Variants in CCDC141 observed in about 807,000 individuals in gnomAD.
CCDC141 encodes coiled-coil domain containing 141, also known as coiled-coil domain-containing protein 141.
CCDC141 carries 168 observed loss-of-function variants against 181.0 expected under a neutral mutation model. The ratio of observed to expected loss-of-function variants is 0.93; its 90% CI spans 0.82 to 1.05. The LOEUF is 1.05. Ranked by LOEUF, CCDC141 falls within the 50% of genes least tolerant of loss-of-function variation. The pLI is 0.00. For missense variants in CCDC141, 1,902 were observed against 1,788.5 expected (o/e 1.06, Z -1.14); for synonymous variants, 666 against 642.3 (o/e 1.04, Z -0.56).
intron 2 of CCDC141, among the ~76,000 whole-genome samples, chr2:179,028,780 TCA>T (rs370910558): frequency 1.0e-3 from 155 of 152,320 alleles, no homozygotes; most frequent in African/African-American, 3.3e-3. Context: ...TTTATCCTGT[TCA>T]CTCTCACTCA....
chr2:178,822,399 A>G, the CCDC141 span, among the ~76,000 whole-genome samples: 1 of 149,752 alleles, frequency 6.7e-6, no homozygotes, highest in African/African-American at 2.5e-5. Flanking sequence ...TAGAACTTAA[A>G]GTATAATAAT....
chr2:179,009,776 C>G lies in CCDC141; in HGVS notation c.226-31101G>C, dbSNP rs186949134. Among the ~76,000 whole-genome samples, 153 of 151,990 alleles carry G rather than the reference C, an allele frequency of 1.0e-3. 1 individual carries two copies. The highest frequency in any genetic ancestry group is 3.4e-3 in the African/African-American group (140 of 41,462). ...CTCCCCAAAAAATCACATTAGTTCA[C>G]CAGCAATGGATGAAAACCAACAAGA... On this transcript the variant is annotated intron_variant, in intron 2 of 23. Coordinates refer to ENST00000443758, the MANE Select transcript of CCDC141 (RefSeq NM_173648.4).
At chr2:178,937,784 C>T (rs927272615) in intron 6 of CCDC141, among the ~76,000 whole-genome samples, 1 of 151,982 alleles carries the variant, frequency 6.6e-6, no homozygotes, top group African/African-American at 2.4e-5. Flanking sequence ...GAATCAATTT[C>T]TTCATGATTC....
At chr2:178,961,201 G>A in intron 5 of CCDC141, 29 bp downstream of exon 5, 1 of 1,546,904 alleles carries the variant, frequency 6.5e-7, no homozygotes, top group Non-Finnish European at 8.7e-7. Context: ...GCTGAGGCTG[G>A]AACATCATCC....
rs779947405 is a variant in CCDC141 at position 178,877,982 on chromosome 2, G to C, written c.1881C>G (p.Phe627Leu). 4.3e-6 allele frequency: 7 copies of C among 1,613,156 alleles called. No individual in the cohort carries two copies. Among genetic ancestry groups the C allele is most frequent in the Non-Finnish European group, 5.9e-6 (7 of 1,179,498 alleles). The stretch of plus-strand genomic sequence containing the variant: ...TTCTTACCATATTTATTAAATTAAG[G>C]AACTCAAGCCCTAGATCTTGTGTTA... ...SFITQDLGLE[F>L]LNLINMAKEN... The change falls in exon 12 of 24, where the codon TTC (phenylalanine) becomes TTG (leucine). Residue 627 changes from phenylalanine to leucine, a missense_variant. Phe to Leu is a conservative substitution (Grantham distance 22). Transcript: ENST00000443758.
At chr2:178,874,607 A>C (rs1686274134) in intron 12 of CCDC141, 1 of 152,232 alleles carries the variant, frequency 6.6e-6, no homozygotes, top group Non-Finnish European at 1.5e-5. Flanking sequence ...GAATACCTAG[A>C]AAAGCTGGGT....
chr2:178,882,438 T>C (rs981268679), intron 11 of CCDC141, among the ~76,000 whole-genome samples: 2 of 152,166 alleles, frequency 1.3e-5, no homozygotes, highest in Non-Finnish European at 2.9e-5. Context: ...AGCTAGATGC[T>C]GAAGGACGTA....
At position 178,837,127 on chromosome 2, in the gene CCDC141, A is replaced by C; in HGVS notation, c.4092T>G (p.Ala1364=). ...TGAGGCCCGAGAATGCATCAGAGGA[A>C]GCATGCAGCCTATCTTGGGTTTTAG... ...NFTKTQDRLH[A]SSDAFSGLRF... The change falls in exon 23 of 24, where the codon GCT becomes GCG. Residue 1364 remains alanine (A), a synonymous_variant. Transcript: ENST00000443758. The C allele has an allele frequency of 1.2e-6, 2 of 1,613,972 alleles. No individual in the cohort carries two copies. Among genetic ancestry groups the C allele is most frequent in the East Asian group, 2.2e-5 (1 of 44,816 alleles).
chr2:178,862,636 T>C (rs1575142270), intron 17 of CCDC141, among the ~76,000 whole-genome samples: 1 of 152,128 alleles, frequency 6.6e-6, no homozygotes, highest in African/African-American at 2.4e-5. Context: ...GTGAAATGGG[T>C]AGGAAAAAGC....
intron 2 of CCDC141, among the ~76,000 whole-genome samples, chr2:178,983,894 G>A (rs1691572199): frequency 6.6e-6 from 1 of 150,492 alleles, no homozygotes; most frequent in Admixed American, 6.6e-5. Context: ...ACACTCTGCA[G>A]GATATTATCC....
chr2:178,869,443 A>G (rs934779354), intron 14 of CCDC141, 138 bp from the exon 15 acceptor site: 2 of 599,528 alleles, frequency 3.3e-6, no homozygotes, highest in Non-Finnish European at 5.4e-6. Context: ...CCACCCTCCA[A>G]AATATTTGGG....
Position 178,872,405 on chromosome 2 carries a change from C to A in CCDC141, c.1900-93G>T, listed in dbSNP as rs1374566960. ...CTATTTTACGAGGCAAATTCTTTAT[C>A]ACAACCAAAGCCGAAGATGGTTCTG... is the stretch of plus-strand genomic sequence containing the variant. On this transcript the variant is annotated intron_variant, in intron 12 of 23. Coordinates refer to ENST00000443758, the MANE Select transcript of CCDC141 (RefSeq NM_173648.4). 6 of 1,193,368 alleles carry A rather than the reference C, an allele frequency of 5.0e-6. No homozygotes were observed. The Admixed American group carries it at 1.6e-4, about 31-fold the overall frequency. The allele number at this position is 1,193,368 out of a possible 1,614,324, so 73.9% of individuals were successfully genotyped here.
At position 178,834,135 on chromosome 2, in the gene CCDC141, G is replaced by T; in HGVS notation, c.*38C>A. 6.6e-7 allele frequency: 1 copy of T among 1,524,078 alleles called. No individual in the cohort carries two copies. The highest frequency in any genetic ancestry group is 2.5e-5 in the East Asian group (1 of 40,616). 94.4% of individuals were successfully genotyped at this position (1,524,078 alleles called of 1,614,324 possible). On this transcript the variant is annotated 3_prime_UTR_variant, in exon 24 of 24. Coordinates refer to ENST00000443758, the MANE Select transcript of CCDC141 (RefSeq NM_173648.4). The stretch of plus-strand genomic sequence containing the variant: ...GATAAACGGCGGCACTTTTCTTTAG[G>T]CACATGAGAATGATGTCCATTGGTG...
chr2:178,931,993 C>A (rs1293194431), intron 6 of CCDC141, among the ~76,000 whole-genome samples: 1 of 151,978 alleles, frequency 6.6e-6, no homozygotes, highest in East Asian at 1.9e-4. Flanking sequence ...TGATGAAACC[C>A]CGTCTCTACT....
intron 5 of CCDC141, among the ~76,000 whole-genome samples, chr2:178,944,973 A>G (rs1689669622): frequency 6.6e-6 from 1 of 152,204 alleles, no homozygotes; most frequent in South Asian, 2.1e-4. Context: ...GAATTCATTT[A>G]AAATATATCT....
intron 5 of CCDC141, among the ~76,000 whole-genome samples, chr2:178,960,434 C>T (rs1193955826): frequency 6.6e-6 from 1 of 152,048 alleles, no homozygotes; most frequent in African/African-American, 2.4e-5. Flanking sequence ...TATGAAAAAA[C>T]CTCTTTCCTG....
At chr2:178,982,101 T>C (rs908584487) in intron 2 of CCDC141, among the ~76,000 whole-genome samples, 12 of 151,794 alleles carry the variant, frequency 7.9e-5, no homozygotes, top group African/African-American at 2.2e-4. Flanking sequence ...CAAGAAAAAA[T>C]AGGTAATCTG....
chr2:178,968,490 G>T (rs1690734806), intron 4 of CCDC141, among the ~76,000 whole-genome samples: 1 of 152,048 alleles, frequency 6.6e-6, no homozygotes, highest in Admixed American at 6.6e-5. Flanking sequence ...AATGACTACT[G>T]GGTAAATAAG....
chr2:178,902,269 T>C (rs1687734260), intron 8 of CCDC141, among the ~76,000 whole-genome samples: 1 of 152,152 alleles, frequency 6.6e-6, no homozygotes, highest in Admixed American at 6.5e-5. Flanking sequence ...AAAGTTCATA[T>C]GGCAACAAAA....
Sources: allele counts gnomAD v4.1 joint callset (sites outside exome capture counted in the v4.1 genomes callset), GRCh38; gene constraint gnomAD v4.1.1; transcripts MANE v1.5; gene names NCBI Gene and HGNC (gene_info 2026-07-23, HGNC 2026-07-21).